The following MAML3 variants were observed in gnomAD, a reference collection of about 807,000 sequenced individuals.
MAML3 encodes the protein mastermind-like protein 3.
In MAML3, 27 loss-of-function variants were observed where a neutral mutation model predicts 101.9. The observed-to-expected ratio is 0.27, with a 90% CI of 0.20 to 0.37. MAML3 has a LOEUF of 0.37. Ranked by LOEUF, MAML3 falls within the 10% of genes least tolerant of loss-of-function variation. The pLI is 1.00. For synonymous variants in MAML3, 501 were observed against 555.9 expected, an observed-to-expected ratio of 0.90 and a Z score of 1.39; for missense variants, 1,316 against 1,444.9, an observed-to-expected ratio of 0.91 and a Z score of 1.45.
At chr4:140,087,609 G>A (rs983965289) in intron 1 of MAML3, among the ~76,000 whole-genome samples, 1 of 152,126 alleles carries the variant, frequency 6.6e-6, no homozygotes, top group Admixed American at 6.6e-5. Flanking sequence ...TTTAATCAAC[G>A]CTGGGTTTAA....
At chr4:139,976,502 C>T (rs1052900183) in intron 1 of MAML3, among the ~76,000 whole-genome samples, 10 of 152,054 alleles carry the variant, frequency 6.6e-5, no homozygotes, top group African/African-American at 1.9e-4. Context: ...ATTATGAAGG[C>T]ATAGTACATT....
chr4:140,094,692 C>G (rs1283104926), intron 1 of MAML3, among the ~76,000 whole-genome samples: 1 of 152,190 alleles, frequency 6.6e-6, no homozygotes, highest in African/African-American at 2.4e-5. Flanking sequence ...ACAAAAGTAA[C>G]TTTCTCTTCT....
chr4:139,961,214 C>G (rs573132726), intron 1 of MAML3, among the ~76,000 whole-genome samples: 100 of 152,356 alleles, frequency 6.6e-4, no homozygotes, highest in African/African-American at 2.2e-3. Flanking sequence ...CTCAAAGCTA[C>G]TAAAAACATC....
intron 2 of MAML3, among the ~76,000 whole-genome samples, chr4:139,866,733 C>A (rs561611032): frequency 6.6e-6 from 1 of 152,106 alleles, no homozygotes; most frequent in Non-Finnish European, 1.5e-5. Context: ...CAAGCGAAGA[C>A]GAAGGGTGGG....
rs145038243 is a variant in MAML3, at chr4:140,032,526, T to C, written c.468+120334A>G. On this transcript the variant is annotated intron_variant, in intron 1 of 4. Transcript: ENST00000509479. ...TCAGTTCCTCATCAAGTCTAAGCAA[T>C]TGGGTACTGTACTTTGACTATTAAA... 8.4e-3 allele frequency among the ~76,000 whole-genome samples: 1,286 copies of C among 152,308 alleles called. 14 individuals carry two copies. The highest frequency in any genetic ancestry group is 0.014 in the Non-Finnish European group (950 of 68,012).
intron 1 of MAML3, among the ~76,000 whole-genome samples, chr4:140,013,750 T>C (rs1193186183): frequency 6.6e-6 from 1 of 152,234 alleles, no homozygotes; most frequent in Non-Finnish European, 1.5e-5. Flanking sequence ...CATAATGCCA[T>C]AGGGCTTCAG....
intron 1 of MAML3, among the ~76,000 whole-genome samples, chr4:140,016,409 A>G (rs574799153): frequency 6.6e-6 from 1 of 152,358 alleles, no homozygotes; most frequent in South Asian, 2.1e-4. Flanking sequence ...CCAGCAATAG[A>G]TTTGTAGATG....
At chr4:139,729,305 G>A (rs1423059790) in intron 3 of MAML3, among the ~76,000 whole-genome samples, 7 of 152,196 alleles carry the variant, frequency 4.6e-5, no homozygotes, top group African/African-American at 1.7e-4. Flanking sequence ...CAGGATACAC[G>A]GTGGTGGATG....
At chr4:139,825,063 C>A (rs527383843) in intron 2 of MAML3, among the ~76,000 whole-genome samples, 2 of 152,282 alleles carry the variant, frequency 1.3e-5, no homozygotes, top group South Asian at 4.1e-4. Flanking sequence ...TCCACCGCCA[C>A]CCCTCTCTTT....
At chr4:140,151,465 C>T (rs1282500835) in intron 1 of MAML3, among the ~76,000 whole-genome samples, 1 of 152,076 alleles carries the variant, frequency 6.6e-6, no homozygotes, top group Non-Finnish European at 1.5e-5. Flanking sequence ...CCGGCCCGAG[C>T]CCCCGGCGAA....
At chr4:140,076,102 A>G (rs1727760966) in intron 1 of MAML3, among the ~76,000 whole-genome samples, 1 of 151,976 alleles carries the variant, frequency 6.6e-6, no homozygotes, top group South Asian at 2.1e-4. Flanking sequence ...CCTGGCCTCA[A>G]GTGATCGTCC....
intron 4 of MAML3, among the ~76,000 whole-genome samples, chr4:139,724,654 G>A (rs974013039): frequency 6.6e-6 from 1 of 152,180 alleles, no homozygotes; most frequent in African/African-American, 2.4e-5. Context: ...AAAATGGGCA[G>A]AGGATGGGAT....
chr4:139,891,171 GC>G (rs1375771816), intron 1 of MAML3, among the ~76,000 whole-genome samples: 2 of 152,168 alleles, frequency 1.3e-5, no homozygotes, highest in Admixed American at 6.5e-5. Context: ...AGCTCACAGG[GC>G]TAAGAGATAG....
chr4:139,949,310 C>T (rs965807086), intron 1 of MAML3, among the ~76,000 whole-genome samples: 3 of 152,142 alleles, frequency 2.0e-5, no homozygotes, highest in Non-Finnish European at 4.4e-5. Context: ...CCACCACACC[C>T]GGCCAGTAGT....
intron 2 of MAML3, among the ~76,000 whole-genome samples, chr4:139,841,107 A>T (rs1731353132): frequency 6.6e-6 from 1 of 152,248 alleles, no homozygotes. Context: ...AAGTATGGTC[A>T]CCAAATTTAT....
chr4:139,952,750 A>G (rs1310778789), intron 1 of MAML3, among the ~76,000 whole-genome samples: 2 of 152,158 alleles, frequency 1.3e-5, no homozygotes, highest in African/African-American at 2.4e-5. Context: ...TTGACAAAAG[A>G]CTGTGGACAG....
intron 2 of MAML3, among the ~76,000 whole-genome samples, chr4:139,830,387 T>C (rs1731139252): frequency 6.6e-6 from 1 of 151,260 alleles, no homozygotes; most frequent in Admixed American, 6.6e-5. Flanking sequence ...AAATAATCAA[T>C]AAATACTTTT....
At chr4:140,103,529 G>A (rs1397444613) in intron 1 of MAML3, among the ~76,000 whole-genome samples, 3 of 152,186 alleles carry the variant, frequency 2.0e-5, no homozygotes, top group African/African-American at 7.2e-5. Flanking sequence ...CTGAGAAAGG[G>A]CTGAGGTTCT....
intron 1 of MAML3, among the ~76,000 whole-genome samples, chr4:140,040,665 T>C (rs963850540): frequency 2.6e-5 from 4 of 152,222 alleles, no homozygotes; most frequent in Non-Finnish European, 5.9e-5. Context: ...TTGTGGAAAA[T>C]GCAAATGTTA....
Sources: allele counts gnomAD v4.1 joint callset (sites outside exome capture counted in the v4.1 genomes callset), GRCh38; gene constraint gnomAD v4.1.1; transcripts MANE v1.5; gene names NCBI Gene and HGNC (gene_info 2026-07-23, HGNC 2026-07-21).